SHPRH: variants seen among roughly 807,000 people sequenced by gnomAD.
SHPRH encodes the protein SNF2 histone linker PHD RING helicase, also known as E3 ubiquitin-protein ligase SHPRH.
A neutral mutation model predicts 202.5 loss-of-function variants in SHPRH; 106 were observed. The observed-to-expected ratio is 0.52, with a 90% CI of 0.45 to 0.62. SHPRH has a LOEUF of 0.62. SHPRH is among the 20% of genes least tolerant of loss of function. SHPRH has a pLI of 0.00. For missense variants in SHPRH, 1,710 were observed against 2,020.0 expected (o/e 0.85, Z 2.94); for synonymous variants, 729 against 686.0 (o/e 1.06, Z -0.98).
Position 145,949,076 on chromosome 6 carries a change from C to T in SHPRH, c.983-726G>A, listed in dbSNP as rs868004644. Reference sequence around the variant, plus strand: ...ATTCAAAAAACTATGGATGTTGGCACGAAGCCAGTAAAAAGGGAATGCTTT... The same window carrying T: ...ATTCAAAAAACTATGGATGTTGGCATGAAGCCAGTAAAAAGGGAATGCTTT... On this transcript the variant is annotated intron_variant, in intron 4 of 29. Transcript: ENST00000275233. Among the ~76,000 whole-genome samples, 9 of 151,842 alleles carry T rather than the reference C, an allele frequency of 5.9e-5. 1 individual carries two copies. The highest frequency in any genetic ancestry group is 1.3e-4 in the Admixed American group (2 of 15,226).
chr6:145,937,744 T>C (rs1786273193), intron 11 of SHPRH, among the ~76,000 whole-genome samples: 1 of 152,212 alleles, frequency 6.6e-6, no homozygotes, highest in Admixed American at 6.5e-5. Context: ...AGCCACGCTA[T>C]TTCTGCCACA....
chr6:145,922,482 G>GT, intron 19 of SHPRH, 134 bp from the exon 20 acceptor site: 1 of 1,239,234 alleles, frequency 8.1e-7, no homozygotes, highest in East Asian at 2.8e-5. Flanking sequence ...AAATCACATG[G>GT]TTTTTCATAC....
chr6:145,887,205 C>T (rs1171128396), intron 29 of SHPRH, among the ~76,000 whole-genome samples: 1 of 152,108 alleles, frequency 6.6e-6, no homozygotes, highest in Non-Finnish European at 1.5e-5. Flanking sequence ...TTTAAAAAGC[C>T]TTCATGTTTT....
chr6:145,959,546 T>G (rs1788874106), intron 1 of SHPRH, among the ~76,000 whole-genome samples: 1 of 152,146 alleles, frequency 6.6e-6, no homozygotes, highest in African/African-American at 2.4e-5. Flanking sequence ...TTGCCTATGA[T>G]GCATTCCTCA....
intron 25 of SHPRH, among the ~76,000 whole-genome samples, chr6:145,898,648 T>C (rs1388716686): frequency 6.6e-6 from 1 of 152,088 alleles, no homozygotes; most frequent in South Asian, 2.1e-4. Context: ...AATTGGCTCC[T>C]ATGAGGGCAG....
rs897379424 is a variant in SHPRH at position 145,964,331 on chromosome 6, C to T, written c.-633G>A. Reference sequence around the variant, plus strand: ...CCCGGGAGACCCAGAAACCACAGCGCCTAGCTGCCGGGCGCGCGCTGTAGC... The same window carrying T: ...CCCGGGAGACCCAGAAACCACAGCGTCTAGCTGCCGGGCGCGCGCTGTAGC... On this transcript the variant is annotated 5_prime_UTR_variant, in exon 1 of 30. Transcript: ENST00000275233. The T allele has an allele frequency of 2.6e-5, 4 of 152,234 alleles. No homozygotes were observed. The highest frequency in any genetic ancestry group is 4.4e-5 in the Non-Finnish European group (3 of 68,084). 9.4% of individuals were successfully genotyped at this position (152,234 alleles called of 1,614,324 possible).
chr6:145,961,033 G>A (rs1480952571), intron 1 of SHPRH, among the ~76,000 whole-genome samples: 2 of 151,716 alleles, frequency 1.3e-5, no homozygotes, highest in Non-Finnish European at 3.0e-5. Context: ...GATCTGACAG[G>A]AGGCACAGCT....
intron 29 of SHPRH, among the ~76,000 whole-genome samples, chr6:145,887,122 C>T (rs144764858): frequency 5.6e-4 from 86 of 152,266 alleles, no homozygotes; most frequent in African/African-American, 1.9e-3. Flanking sequence ...TTTCAAACAA[C>T]TCATAACTGC....
chr6:145,960,326 T>C (rs1410918988), intron 1 of SHPRH, among the ~76,000 whole-genome samples: 1 of 152,128 alleles, frequency 6.6e-6, no homozygotes, highest in Non-Finnish European at 1.5e-5. Flanking sequence ...CAATGTCAAG[T>C]GGTGAAGAAA....
chr6:145,886,603 C>G lies in SHPRH; in HGVS notation c.*88G>C. 6.4e-7 allele frequency: 1 copy of G among 1,560,136 alleles called. No individual in the cohort carries two copies. Among genetic ancestry groups the G allele is most frequent in the Non-Finnish European group, 8.7e-7 (1 of 1,154,610 alleles). On this transcript the variant is annotated 3_prime_UTR_variant, in exon 30 of 30. Coordinates refer to ENST00000275233, the MANE Select transcript of SHPRH (RefSeq NM_001042683.3). ...CAACTAGGAACAGTGTTACTGTTAT[C>G]TACTGGGTTTTTAAAACTTGTAACT...
Position 145,943,814 on chromosome 6 carries a change from A to G in SHPRH, c.1579-12T>C. On this transcript the variant is annotated splice_polypyrimidine_tract_variant and intron_variant, in intron 8 of 29. Transcript: ENST00000275233. ...GGACTCCCTACTGCCTATGAAAAAA[A>G]TATTTAATTAATTGATTGCAACTAG... The G allele has an allele frequency of 4.5e-6, 7 of 1,543,088 alleles. No homozygotes were observed. The highest frequency in any genetic ancestry group is 6.1e-6 in the Non-Finnish European group (7 of 1,152,046).
Position 145,886,342 on chromosome 6 carries a change from C to G in SHPRH, c.*349G>C. The G allele has an allele frequency of 1.6e-6, 1 of 617,374 alleles. No homozygotes were observed. The highest frequency in any genetic ancestry group is 2.0e-5 in the South Asian group (1 of 50,000). The allele number at this position is 617,374 out of a possible 1,614,324, so 38.2% of individuals were successfully genotyped here. ...ATATACCAGGTCATATAAAACTAGA[C>G]TAGTTTACTTTCTTATTCCAACTGT... On this transcript the variant is annotated 3_prime_UTR_variant, in exon 30 of 30. Coordinates refer to ENST00000275233, the MANE Select transcript of SHPRH (RefSeq NM_001042683.3).
chr6:145,873,195 TAA>T (rs113713830), intron 2 of SHPRH, among the ~76,000 whole-genome samples: 6 of 149,620 alleles, frequency 4.0e-5, no homozygotes, highest in African/African-American at 1.2e-4. Context: ...AAGTTGGAAA[TAA>T]AAAAAAAAGA....
downstream of SHPRH, among the ~76,000 whole-genome samples, chr6:145,863,269 G>A (rs1213778906): frequency 6.6e-6 from 1 of 152,186 alleles, no homozygotes; most frequent in African/African-American, 2.4e-5. Context: ...GAAAATGAGA[G>A]ACGTGATTGC....
chr6:145,959,431 T>A (rs1788856421), intron 1 of SHPRH, among the ~76,000 whole-genome samples: 1 of 152,220 alleles, frequency 6.6e-6, no homozygotes, highest in South Asian at 2.1e-4. Flanking sequence ...TACAGGTTTG[T>A]AGCCTAGGAG....
At chr6:145,889,732 A>G (rs1781423320) in intron 28 of SHPRH, among the ~76,000 whole-genome samples, 1 of 152,220 alleles carries the variant, frequency 6.6e-6, no homozygotes, top group Non-Finnish European at 1.5e-5. Context: ...CCTACAGGCA[A>G]AACACTTGAA....
At chr6:145,941,499 C>A in intron 10 of SHPRH, 124 bp downstream of exon 10, 1 of 1,437,904 alleles carries the variant, frequency 7.0e-7, no homozygotes, top group Non-Finnish European at 9.3e-7. Flanking sequence ...TGTTTAATAA[C>A]AAACTTTTGA....
chr6:145,889,593 T>C (rs765977151), intron 28 of SHPRH, among the ~76,000 whole-genome samples: 6 of 152,150 alleles, frequency 3.9e-5, no homozygotes, highest in Non-Finnish European at 7.4e-5. Flanking sequence ...TAAAATATTA[T>C]ATAAAATCAC....
chr6:145,952,113 T>C (rs1400267364), intron 3 of SHPRH, among the ~76,000 whole-genome samples: 1 of 152,084 alleles, frequency 6.6e-6, no homozygotes, highest in Non-Finnish European at 1.5e-5. Flanking sequence ...CCTTTTGACT[T>C]GCATATTGAC....
Sources: allele counts gnomAD v4.1 joint callset (sites outside exome capture counted in the v4.1 genomes callset), GRCh38; gene constraint gnomAD v4.1.1; transcripts MANE v1.5; gene names NCBI Gene and HGNC (gene_info 2026-07-23, HGNC 2026-07-21).